LDAH: variants seen among roughly 807,000 people sequenced by gnomAD.
The protein encoded by LDAH is lipid droplet-associated hydrolase.
Under a neutral mutation model 29.6 loss-of-function variants are expected in LDAH, and 26 were observed. The observed-to-expected ratio is 0.88, with a 90% CI of 0.64 to 1.22. The LOEUF (loss-of-function observed/expected upper bound fraction) is 1.22, where lower values mean the gene tolerates loss of function less well. Ranked by LOEUF, LDAH falls within the 50% of genes most tolerant of loss-of-function variation. The pLI, the probability that LDAH is intolerant of heterozygous loss-of-function variation, is 0.00. For synonymous variants in LDAH, 117 were observed against 133.0 expected, an observed-to-expected ratio of 0.88 and a Z score of 0.83; for missense variants, 344 against 387.3, an observed-to-expected ratio of 0.89 and a Z score of 0.94.
chr2:20,816,447 A>T lies in LDAH; in HGVS notation c.-3+6590T>A, dbSNP rs73224621. Among the ~76,000 whole-genome samples, 909 of 152,216 alleles carry T rather than the reference A, an allele frequency of 6.0e-3. 10 individuals carry two copies. The highest frequency in any genetic ancestry group is 0.02 in the African/African-American group (848 of 41,558). On this transcript the variant is annotated intron_variant, in intron 1 of 6. Coordinates refer to ENST00000237822, the MANE Select transcript of LDAH (RefSeq NM_021925.4). ...AGTATGGAAAAGATATGCCATACTA[A>T]CTACTTTTTTTAAGTAGTGATGGCT...
chr2:20,746,673 A>C (rs1667590070), intron 4 of LDAH, among the ~76,000 whole-genome samples: 1 of 152,010 alleles, frequency 6.6e-6, no homozygotes, highest in African/African-American at 2.4e-5. Context: ...TTCATTCTTC[A>C]TATTGGTAAA....
At chr2:20,773,715 T>A (rs1669586636) in intron 4 of LDAH, among the ~76,000 whole-genome samples, 1 of 152,142 alleles carries the variant, frequency 6.6e-6, no homozygotes, top group Admixed American at 6.5e-5. Flanking sequence ...GTTGTACATT[T>A]CCCAAGGGCA....
At chr2:20,735,283 T>C (rs113795117) in intron 5 of LDAH, among the ~76,000 whole-genome samples, 4,284 of 152,262 alleles carry the variant, frequency 0.028, 202 homozygotes, top group African/African-American at 0.098. Context: ...GTCCAACAGG[T>C]CCCTGAGGTT....
chr2:20,822,616 T>G (rs912738053), intron 1 of LDAH, among the ~76,000 whole-genome samples: 5 of 152,172 alleles, frequency 3.3e-5, no homozygotes, highest in African/African-American at 9.7e-5. Context: ...GTTAAGGTCT[T>G]CAGCGTGAAT....
chr2:20,802,017 TACATAC>T (rs1244218001), intron 1 of LDAH, among the ~76,000 whole-genome samples: 1 of 151,438 alleles, frequency 6.6e-6, no homozygotes, highest in Non-Finnish European at 1.5e-5. Context: ...TATATACATA[TACATAC>T]ATATCCACAC....
At chr2:20,816,891 T>C (rs903263408) in intron 1 of LDAH, among the ~76,000 whole-genome samples, 2 of 151,382 alleles carry the variant, frequency 1.3e-5, no homozygotes, top group African/African-American at 4.9e-5. Flanking sequence ...GGAAAAAAAC[T>C]AGAAATCAAC....
intron 5 of LDAH, among the ~76,000 whole-genome samples, chr2:20,723,462 TA>T (rs560345477): frequency 1.3e-5 from 2 of 151,618 alleles, no homozygotes; most frequent in African/African-American, 2.4e-5. Flanking sequence ...ATTCTTAAAT[TA>T]AAAAAAAACT....
intron 1 of LDAH, among the ~76,000 whole-genome samples, chr2:20,818,331 T>A (rs887625153): frequency 6.6e-6 from 1 of 152,080 alleles, no homozygotes; most frequent in Admixed American, 6.6e-5. Flanking sequence ...GCAACTGGTA[T>A]AATAAGTGGT....
chr2:20,819,853 A>G (rs892435928), intron 1 of LDAH, among the ~76,000 whole-genome samples: 3 of 152,242 alleles, frequency 2.0e-5, no homozygotes, highest in African/African-American at 7.2e-5. Context: ...ATGATTGTAT[A>G]TTCAGAAAAC....
intron 4 of LDAH, among the ~76,000 whole-genome samples, chr2:20,764,026 A>G (rs1257112171): frequency 6.6e-6 from 1 of 152,054 alleles, no homozygotes; most frequent in Non-Finnish European, 1.5e-5. Flanking sequence ...TTATGAAAAG[A>G]TGAAAAAAGC....
intron 4 of LDAH, among the ~76,000 whole-genome samples, chr2:20,761,036 C>G (rs1250568620): frequency 2.6e-5 from 4 of 152,150 alleles, no homozygotes; most frequent in Non-Finnish European, 5.9e-5. Flanking sequence ...TATTCCGAGA[C>G]CATAATAATA....
At position 20,766,876 on chromosome 2, in the gene LDAH, C is replaced by T. The variant is rs145122211; in HGVS notation, c.468+7934G>A. On this transcript the variant is annotated intron_variant, in intron 4 of 6. Transcript: ENST00000237822. ...TGACTGTGACGCCTGCTTCGGGGAC[C>T]GGCCAGCAGTGGAGGGTTTCTGTGC... Among the ~76,000 whole-genome samples, 24 of 152,288 alleles carry T rather than the reference C, an allele frequency of 1.6e-4. No individual in the cohort carries two copies. In the East Asian group the frequency reaches 3.1e-3, roughly 20 times the overall value.
At chr2:20,760,248 C>A (rs186825622) in intron 4 of LDAH, among the ~76,000 whole-genome samples, 3 of 152,148 alleles carry the variant, frequency 2.0e-5, no homozygotes, top group African/African-American at 7.2e-5. Flanking sequence ...AGGCTAGCTG[C>A]TACTGCTACA....
chr2:20,714,690 T>TA (rs1261204380), intron 5 of LDAH, among the ~76,000 whole-genome samples: 5 of 152,062 alleles, frequency 3.3e-5, no homozygotes, highest in African/African-American at 1.2e-4. Context: ...TACAAAATGA[T>TA]AAAGGGGATA....
intron 1 of LDAH, among the ~76,000 whole-genome samples, chr2:20,809,838 G>A (rs116157821): frequency 0.038 from 5,759 of 152,142 alleles, 366 homozygotes; most frequent in African/African-American, 0.13. Flanking sequence ...GGCCAATACC[G>A]AAGCTGTCCT....
At chr2:20,719,480 T>C (rs1480090817) in intron 5 of LDAH, among the ~76,000 whole-genome samples, 1 of 151,860 alleles carries the variant, frequency 6.6e-6, no homozygotes, top group Admixed American at 6.6e-5. Context: ...ATCTAAATAA[T>C]AATAATAAGT....
At chr2:20,711,414 T>C (rs1572450119) in intron 5 of LDAH, among the ~76,000 whole-genome samples, 1 of 147,632 alleles carries the variant, frequency 6.8e-6, no homozygotes, top group Non-Finnish European at 1.5e-5. Flanking sequence ...AGAGAAGTGG[T>C]CCGTTCCAAG....
At chr2:20,771,363 A>G (rs2125003787) in intron 4 of LDAH, among the ~76,000 whole-genome samples, 1 of 152,386 alleles carries the variant, frequency 6.6e-6, no homozygotes, top group Middle Eastern at 3.4e-3. Flanking sequence ...CCAGTAAAAA[A>G]TAACAGAAGA....
In LDAH at chr2:20,698,042, C is replaced by CTTA. The variant is rs1663622867; in HGVS notation, c.786+3525_786+3527dup. Among the ~76,000 whole-genome samples, 1 of 152,150 alleles carries CTTA rather than the reference C, an allele frequency of 6.6e-6. No individual in the cohort carries two copies. The highest frequency in any genetic ancestry group is 1.5e-5 in the Non-Finnish European group (1 of 68,038). On this transcript the variant is annotated intron_variant, in intron 6 of 6. Transcript: ENST00000237822. This position sits in a 1 kb window ranked among gnomAD's most constrained non-coding sequence, Gnocchi z 4.4. ...TTTGTAATCTTGTGTATTTTATGCA[C>CTTA]TTAACATCATTGTGAGTAGAATCCA...
Sources: allele counts gnomAD v4.1 joint callset (sites outside exome capture counted in the v4.1 genomes callset), GRCh38; gene constraint gnomAD v4.1.1; non-coding constraint Gnocchi (gnomAD v3.1); transcripts MANE v1.5; gene names NCBI Gene and HGNC (gene_info 2026-07-23, HGNC 2026-07-21).